CEMIP2: variants seen among roughly 807,000 people sequenced by gnomAD.
The protein encoded by CEMIP2 is cell surface hyaluronidase CEMIP2.
A neutral mutation model predicts 146.9 loss-of-function variants in CEMIP2; 79 were observed. The observed-to-expected ratio is 0.54, with a 90% CI of 0.45 to 0.65. The LOEUF (loss-of-function observed/expected upper bound fraction) is 0.65. CEMIP2 is among the 30% of genes least tolerant of loss of function. CEMIP2 has a pLI of 0.00. For missense variants in CEMIP2, 1,596 were observed against 1,696.2 expected (o/e 0.94, Z 1.04); for synonymous variants, 601 against 606.3 (o/e 0.99, Z 0.13).
chr9:71,731,933 T>C, intron 7 of CEMIP2, among the ~76,000 whole-genome samples: 3 of 152,268 alleles, frequency 2.0e-5, no homozygotes, highest in Non-Finnish European at 4.4e-5. Context: ...ACAAAAAATA[T>C]TTTTATAGGA....
intron 17 of CEMIP2, among the ~76,000 whole-genome samples, chr9:71,706,479 C>A (rs190695608): frequency 3.3e-5 from 5 of 152,218 alleles, no homozygotes; most frequent in Admixed American, 2.6e-4. Context: ...TTATTTCTTT[C>A]TTCATCTATA....
Position 71,745,298 on chromosome 9 carries a change from A to C in CEMIP2, c.754T>G (p.Leu252Val), listed in dbSNP as rs983343787. ...LLARTLNSSGLPFGSYTFEKD... is the reference protein window; with the variant it reads ...LLARTLNSSGVPFGSYTFEKD... The stretch of plus-strand genomic sequence containing the variant: ...TCAAAGGTATAGGACCCAAAGGGCA[A>C]GCCTGAGGAATTCAGGGTCCTTGCC... Residue 252 changes from leucine (L) to valine (V), a missense_variant, in exon 4 of 24, where the codon TTG becomes GTG. Coordinates refer to ENST00000377044, the MANE Select transcript of CEMIP2 (RefSeq NM_013390.3). 2 of 1,613,924 alleles carry C rather than the reference A, an allele frequency of 1.2e-6. No individual in the cohort carries two copies. Among genetic ancestry groups the C allele is most frequent in the Non-Finnish European group, 1.7e-6 (2 of 1,179,816 alleles).
At position 71,704,604 on chromosome 9, in the gene CEMIP2, T is replaced by C. The variant is rs763525494; in HGVS notation, c.3185A>G (p.Asn1062Ser). Reference sequence around the variant, plus strand: ...AGTAACAGAAACATACTTGTTGAAGTTGACGAGGTATAGAAATGTAGTCCG... The same window carrying C: ...AGTAACAGAAACATACTTGTTGAAGCTGACGAGGTATAGAAATGTAGTCCG... ...APRTTFLYLV[N>S]FNKNDWIRVG... is the part of the protein sequence containing the mutation. The change falls in exon 18 of 24, where the codon AAC (asparagine) becomes AGC (serine). Residue 1062 changes from asparagine to serine, a missense_variant. By Grantham distance (46) the Asn-to-Ser change is conservative (BLOSUM62 1). Transcript: ENST00000377044. 2.0e-5 allele frequency: 32 copies of C among 1,614,032 alleles called. No individual in the cohort carries two copies. Among genetic ancestry groups the C allele is most frequent in the Non-Finnish European group, 2.7e-5 (32 of 1,180,010 alleles).
Position 71,751,794 on chromosome 9 carries a change from C to A in CEMIP2, c.-12-1409G>T, listed in dbSNP as rs1824262984. Among the ~76,000 whole-genome samples the A allele has an allele frequency of 1.3e-5, 2 of 152,108 alleles. 1 individual carries two copies. Among genetic ancestry groups the A allele is most frequent in the South Asian group, 4.1e-4 (2 of 4,830 alleles). On this transcript the variant is annotated intron_variant, in intron 1 of 23. Transcript: ENST00000377044. ...CTAAAAGTTCCAATAGCTAGGCACTCAAGTTTGGGTGTTTTAATTTCCCCA... is the reference window on the plus strand; with the variant it reads ...CTAAAAGTTCCAATAGCTAGGCACTAAAGTTTGGGTGTTTTAATTTCCCCA...
chr9:71,752,470 A>G (rs2132024322), intron 1 of CEMIP2, among the ~76,000 whole-genome samples: 3 of 80,024 alleles, frequency 3.7e-5, no homozygotes, highest in Non-Finnish European at 7.7e-5. Context: ...GGAAGGAAGG[A>G]AGGAAGGAAG....
intron 20 of CEMIP2, among the ~76,000 whole-genome samples, chr9:71,695,236 T>C (rs1468927080): frequency 1.3e-5 from 2 of 152,196 alleles, no homozygotes; most frequent in African/African-American, 2.4e-5. Flanking sequence ...CCCTTTTCCC[T>C]GTACTCCTCC....
At chr9:71,768,990 T>G (rs112937041), upstream of CEMIP2, 1 of 151,732 alleles carries the variant, frequency 6.6e-6, no homozygotes, top group Non-Finnish European at 1.5e-5. Flanking sequence ...GCCCGGCCCC[T>G]CCCGCCGGCC....
At position 71,718,084 on chromosome 9, in the gene CEMIP2, G is replaced by C; in HGVS notation, c.2268-5C>G. ...GCATCCTGATGAGGTCGAAATCTAG[G>C]GGTTAAAAAAAGAATTTTAAAAAAT... On this transcript the variant is annotated splice_polypyrimidine_tract_variant and splice_region_variant and intron_variant, in intron 12 of 23. Coordinates refer to ENST00000377044, the MANE Select transcript of CEMIP2 (RefSeq NM_013390.3). 6.3e-7 allele frequency: 1 copy of C among 1,588,764 alleles called. No individual in the cohort carries two copies. The highest frequency in any genetic ancestry group is 2.3e-5 in the East Asian group (1 of 44,364).
Position 71,745,234 on chromosome 9 carries a change from T to G in CEMIP2, c.818A>C (p.Asp273Ala). Reference protein sequence around the residue: ...FSRGLNVRVIDQDTAKILESE... With the variant: ...FSRGLNVRVIAQDTAKILESE... ...TTCCAAAATTTTGGCCGTGTCTTGG[T>G]CAATGACCCTCACATTGAGGCCCCG... The change falls in exon 4 of 24, where the codon GAC becomes GCC. Residue 273 changes from aspartate to alanine, a missense_variant. Physicochemically the swap from Asp to Ala is moderately radical, Grantham distance 126. Transcript: ENST00000377044. The G allele has an allele frequency of 1.2e-6, 2 of 1,614,106 alleles. No individual in the cohort carries two copies. The highest frequency in any genetic ancestry group is 1.7e-6 in the Non-Finnish European group (2 of 1,180,006).
chr9:71,690,797 C>T (rs550428184), intron 21 of CEMIP2, among the ~76,000 whole-genome samples: 1 of 152,292 alleles, frequency 6.6e-6, no homozygotes, highest in East Asian at 1.9e-4. Flanking sequence ...GGAATTTAAG[C>T]TACAAAGTAC....
intron 18 of CEMIP2, 112 bp from the exon 19 acceptor site, chr9:71,700,936 C>CA: frequency 1.0e-6 from 1 of 977,112 alleles, no homozygotes; most frequent in Non-Finnish European, 1.4e-6. Context: ...ACTTCCTGCC[C>CA]ATAGTTTTCT....
At chr9:71,754,713 G>A (rs1476665952) in intron 1 of CEMIP2, among the ~76,000 whole-genome samples, 4 of 152,046 alleles carry the variant, frequency 2.6e-5, no homozygotes, top group South Asian at 2.1e-4. Flanking sequence ...TGAGAGAGTC[G>A]TTTTGTGAGT....
intron 12 of CEMIP2, among the ~76,000 whole-genome samples, chr9:71,721,806 T>C (rs938167689): frequency 6.6e-6 from 1 of 152,250 alleles, no homozygotes; most frequent in Non-Finnish European, 1.5e-5. Flanking sequence ...CAGAAAAGTT[T>C]ATTTTCATCT....
Position 71,745,501 on chromosome 9 carries a change from C to A in CEMIP2, c.551G>T (p.Gly184Val). 1 of 1,613,886 alleles carries A rather than the reference C, an allele frequency of 6.2e-7. No homozygotes were observed. The highest frequency in any genetic ancestry group is 8.5e-7 in the Non-Finnish European group (1 of 1,180,006). Reference protein sequence around the residue: ...LRTHYILIQDGGALHIGAEKC... With the variant: ...LRTHYILIQDVGALHIGAEKC... ...TTCTGCTCCAATATGAAGCGCCCCA[C>A]CATCCTGGATCAGGATGTAATGAGT... Residue 184 changes from glycine to valine, a missense_variant, in exon 4 of 24, where the codon GGT (glycine) becomes GTT (valine). Transcript: ENST00000377044.
chr9:71,688,980 A>T (rs1822151848), intron 22 of CEMIP2, among the ~76,000 whole-genome samples: 2 of 152,218 alleles, frequency 1.3e-5, no homozygotes, highest in Admixed American at 1.3e-4. Context: ...CATTACCAGT[A>T]TCTTAAAAGC....
chr9:71,767,570 CAACCCT>C (rs1824834387), intron 1 of CEMIP2, among the ~76,000 whole-genome samples: 3 of 152,220 alleles, frequency 2.0e-5, no homozygotes, highest in Admixed American at 1.3e-4. Flanking sequence ...TGACACTCAT[CAACCCT>C]CAGCAGAGAG....
At chr9:71,728,592 T>C (rs931179681) in intron 10 of CEMIP2, among the ~76,000 whole-genome samples, 1 of 151,864 alleles carries the variant, frequency 6.6e-6, no homozygotes, top group African/African-American at 2.4e-5. Flanking sequence ...ACATTTCTAC[T>C]ACCCAAAAAT....
chr9:71,750,249 T>G lies in CEMIP2; in HGVS notation c.125A>C (p.Lys42Thr), dbSNP rs747129656. 3 of 1,614,106 alleles carry G rather than the reference T, an allele frequency of 1.9e-6. No individual in the cohort carries two copies. Among genetic ancestry groups the G allele is most frequent in the African/African-American group, 1.3e-5 (1 of 75,018 alleles). ...VVPLRPPPPP[K>T]SQASAKFTSI... ...GGTAAATTTGGCTGAAGCTTGACTC[T>G]TTGGAGGAGGAGGGGGACGCAATGG... The change falls in exon 2 of 24, where the codon AAG becomes ACG. Residue 42 changes from lysine (K) to threonine (T), a missense_variant. Coordinates refer to ENST00000377044, the MANE Select transcript of CEMIP2 (RefSeq NM_013390.3).
chr9:71,697,501 C>CT (rs1218269834), intron 20 of CEMIP2, among the ~76,000 whole-genome samples: 1 of 152,030 alleles, frequency 6.6e-6, no homozygotes, highest in Non-Finnish European at 1.5e-5. Flanking sequence ...ATAGTCTGTA[C>CT]TTTAATTACA....
Sources: gnomAD v4.1 joint callset for allele counts (sites outside exome capture counted in the v4.1 genomes callset) on GRCh38, gnomAD v4.1.1 for gene constraint, MANE v1.5 for transcripts, NCBI Gene and HGNC (gene_info 2026-07-23, HGNC 2026-07-21) for gene names.